The following EFCAB11 variants were observed in gnomAD, a reference collection of about 807,000 sequenced individuals.
The protein encoded by EFCAB11 is EF-hand calcium binding domain 11, also known as EF-hand calcium-binding domain-containing protein 11.
A neutral mutation model predicts 23.0 loss-of-function variants in EFCAB11; 14 were observed. The observed-to-expected ratio is 0.61, with a 90% confidence interval of 0.40 to 0.95. EFCAB11 has a LOEUF of 0.95. Ranked by LOEUF, EFCAB11 falls within the 40% of genes least tolerant of loss-of-function variation. EFCAB11 has a pLI of 0.00. For missense variants in EFCAB11, 198 were observed against 195.8 expected, an observed-to-expected ratio of 1.01 and a Z score of -0.07; for synonymous variants, 65 against 66.6, an observed-to-expected ratio of 0.98 and a Z score of 0.11.
rs138120851 is a variant in EFCAB11, at chr14:89,841,990, T to G, written c.411-44666A>C. On this transcript the variant is annotated intron_variant, in intron 5 of 5. Transcript: ENST00000316738. Reference sequence around the variant, plus strand: ...GAACTCAAGTCAGATTCCTCCTCCTTCTCTCTAAACCTGCGCCGCCTGTGT... The same window carrying G: ...GAACTCAAGTCAGATTCCTCCTCCTGCTCTCTAAACCTGCGCCGCCTGTGT... 1.2e-3 allele frequency among the ~76,000 whole-genome samples: 187 copies of G among 152,096 alleles called. 1 individual carries two copies. The Middle Eastern group carries it at 0.014, about 11-fold the overall frequency.
chr14:89,933,606 T>C (rs749340685), intron 3 of EFCAB11, among the ~76,000 whole-genome samples: 2 of 152,212 alleles, frequency 1.3e-5, no homozygotes, highest in Non-Finnish European at 2.9e-5. Flanking sequence ...AAGAAATCTG[T>C]CTCTTTTTAA....
chr14:89,803,711 C>T (rs944231767), intron 5 of EFCAB11, among the ~76,000 whole-genome samples: 1 of 152,122 alleles, frequency 6.6e-6, no homozygotes, highest in African/African-American at 2.4e-5. Context: ...AATTACCCTC[C>T]AAGCAAGGAG....
intron 4 of EFCAB11, 31 bp downstream of exon 4, chr14:89,932,495 T>TG: frequency 6.3e-7 from 1 of 1,576,086 alleles, no homozygotes; most frequent in African/African-American, 1.4e-5. Flanking sequence ...AAGTAATTTT[T>TG]TTTACATCAA....
chr14:89,908,949 A>G (rs2140212505), intron 5 of EFCAB11, among the ~76,000 whole-genome samples: 1 of 152,334 alleles, frequency 6.6e-6, no homozygotes, highest in Non-Finnish European at 1.5e-5. Context: ...CAGGGGAGCC[A>G]AGATAGTAGG....
intron 5 of EFCAB11, among the ~76,000 whole-genome samples, chr14:89,881,730 G>A (rs1044670836): frequency 6.6e-6 from 1 of 151,796 alleles, no homozygotes; most frequent in Non-Finnish European, 1.5e-5. Flanking sequence ...TTACAGGCAT[G>A]AGCCACTGTG....
At chr14:89,802,724 C>A (rs190354967) in intron 5 of EFCAB11, among the ~76,000 whole-genome samples, 24 of 152,218 alleles carry the variant, frequency 1.6e-4, no homozygotes, top group Admixed American at 1.4e-3. Flanking sequence ...CATTTATATT[C>A]TTTTGGGCAG....
rs1235722169 is a variant in EFCAB11, at chr14:89,931,488, A to C, written c.410+53T>G. 5 of 1,481,148 alleles carry C rather than the reference A, an allele frequency of 3.4e-6. No homozygotes were observed. The African/African-American group carries it at 4.3e-5, about 13-fold the overall frequency. 91.8% of individuals were successfully genotyped at this position (1,481,148 alleles called of 1,614,324 possible). On this transcript the variant is annotated intron_variant, in intron 5 of 5. Coordinates refer to ENST00000316738, the MANE Select transcript of EFCAB11 (RefSeq NM_145231.4). ...TCTTTCCATAAAGTCAAAAACATGT[A>C]AAAGCAAATGGTAAATCAAAAGGTG... is the stretch of plus-strand genomic sequence containing the variant.
At chr14:89,854,483 T>C (rs2140142653) in intron 5 of EFCAB11, among the ~76,000 whole-genome samples, 1 of 152,306 alleles carries the variant, frequency 6.6e-6, no homozygotes, top group Admixed American at 6.5e-5. Flanking sequence ...GAAAGTCCTC[T>C]GCAGCAGTTG....
At chr14:89,830,428 T>C (rs1406216593) in intron 5 of EFCAB11, 1 of 152,210 alleles carries the variant, frequency 6.6e-6, no homozygotes, top group Non-Finnish European at 1.5e-5. Flanking sequence ...TTGCTAAAAA[T>C]TACAACTTTT....
intron 5 of EFCAB11, among the ~76,000 whole-genome samples, chr14:89,892,700 G>A (rs1295141189): frequency 2.6e-5 from 4 of 152,072 alleles, no homozygotes; most frequent in Admixed American, 2.0e-4. Context: ...TCAGGAGTTC[G>A]AGACCAGCCT....
At chr14:89,944,335 A>G (rs1416458990) in intron 3 of EFCAB11, among the ~76,000 whole-genome samples, 2 of 152,190 alleles carry the variant, frequency 1.3e-5, no homozygotes, top group Admixed American at 6.5e-5. Flanking sequence ...CCTGGGAAAG[A>G]CCTGCCCCCA....
intron 5 of EFCAB11, among the ~76,000 whole-genome samples, chr14:89,852,311 GGA>G (rs1179895531): frequency 6.6e-6 from 1 of 152,230 alleles, no homozygotes; most frequent in African/African-American, 2.4e-5. Flanking sequence ...CACACAAAAT[GGA>G]GACACACTGT....
chr14:89,873,111 G>A (rs1016074776), intron 5 of EFCAB11, among the ~76,000 whole-genome samples: 1 of 152,166 alleles, frequency 6.6e-6, no homozygotes, highest in African/African-American at 2.4e-5. Context: ...TTATAAAGGA[G>A]GTTTAATTGA....
chr14:89,822,197 A>T (rs1282436524), intron 5 of EFCAB11, among the ~76,000 whole-genome samples: 1 of 152,216 alleles, frequency 6.6e-6, no homozygotes, highest in African/African-American at 2.4e-5. Context: ...AAGCCAGTTC[A>T]AATGATTCTG....
At chr14:89,932,476 A>G (rs1291625737) in intron 4 of EFCAB11, 50 bp downstream of exon 4, 2 of 1,432,990 alleles carry the variant, frequency 1.4e-6, no homozygotes, top group South Asian at 2.4e-5. Context: ...CCTATTTGCA[A>G]TCCCTTAAAA....
chr14:89,878,762 T>G (rs1888515727), intron 5 of EFCAB11, among the ~76,000 whole-genome samples: 1 of 152,122 alleles, frequency 6.6e-6, no homozygotes, highest in Non-Finnish European at 1.5e-5. Context: ...ATAACAAATG[T>G]GGGTCATTTA....
In EFCAB11 at chr14:89,866,971, G is replaced by A. The variant is rs149187575; in HGVS notation, c.410+64570C>T. Among the ~76,000 whole-genome samples, 879 of 152,124 alleles carry A rather than the reference G, an allele frequency of 5.8e-3. 10 individuals carry two copies. The highest frequency in any genetic ancestry group is 0.02 in the African/African-American group (839 of 41,496). ...TTTTTAGTGGAGACAGGGTTTCACC[G>A]TATTGGCCAGGCTGGTCTCCAACTC... On this transcript the variant is annotated intron_variant, in intron 5 of 5. Coordinates refer to ENST00000316738, the MANE Select transcript of EFCAB11 (RefSeq NM_145231.4).
intron 5 of EFCAB11, among the ~76,000 whole-genome samples, chr14:89,870,767 T>TAA (rs56920547): frequency 9.7e-6 from 1 of 102,946 alleles, no homozygotes; most frequent in South Asian, 3.5e-4. Flanking sequence ...TCATCTCTAC[T>TAA]AAAAAAAAAA....
Position 89,942,993 on chromosome 14 carries a change from C to T in EFCAB11, c.217+7104G>A, listed in dbSNP as rs190976612. On this transcript the variant is annotated intron_variant, in intron 3 of 5. Coordinates refer to ENST00000316738, the MANE Select transcript of EFCAB11 (RefSeq NM_145231.4). ...AAGTGCAGGGTGTCTAGCTTCCGGA[C>T]TCTGGCCCTTCCTAAAAGCAGCTGA... is the stretch of plus-strand genomic sequence containing the variant. Among the ~76,000 whole-genome samples, 21 of 152,282 alleles carry T rather than the reference C, an allele frequency of 1.4e-4. No individual in the cohort carries two copies. In the East Asian group the frequency reaches 2.7e-3, roughly 20 times the overall value.
Sources: gnomAD v4.1 joint callset for allele counts (sites outside exome capture counted in the v4.1 genomes callset) on GRCh38, gnomAD v4.1.1 for gene constraint, MANE v1.5 for transcripts, NCBI Gene and HGNC (gene_info 2026-07-23, HGNC 2026-07-21) for gene names.